LINGO2: variants seen among roughly 807,000 people sequenced by gnomAD.
The protein encoded by LINGO2 is leucine rich repeat and Ig domain containing 2, also known as leucine-rich repeat and immunoglobulin-like domain-containing nogo receptor-interacting protein 2.
Under a neutral mutation model 30.6 loss-of-function variants are expected in LINGO2, and 14 were observed. The ratio of observed to expected loss-of-function variants is 0.46; its 90% CI spans 0.30 to 0.72. LINGO2 has a LOEUF of 0.72. Ranked by LOEUF, LINGO2 falls within the 30% of genes least tolerant of loss-of-function variation. The probability of loss-of-function intolerance (pLI) is 0.07; values close to 1 mark genes in which losing one functional copy is unlikely to be tolerated. For missense variants in LINGO2, 729 were observed against 751.7 expected (o/e 0.97, Z 0.35); for synonymous variants, 317 against 288.5 (o/e 1.10, Z -1.00).
chr9:29,081,416 T>C, the LINGO2 span, among the ~76,000 whole-genome samples: 44 of 152,252 alleles, frequency 2.9e-4, no homozygotes, highest in African/African-American at 9.6e-4. Context: ...AAATTAGGTA[T>C]TGATGGGATG....
At chr9:29,212,347 C>T in the LINGO2 span, among the ~76,000 whole-genome samples, 1 of 151,878 alleles carries the variant, frequency 6.6e-6, no homozygotes, top group African/African-American at 2.4e-5. Flanking sequence ...CCGCGGCGCC[C>T]GCTGGGAGCC....
chr9:28,572,090 T>A (rs1563833930), intron 1 of LINGO2, among the ~76,000 whole-genome samples: 1 of 152,080 alleles, frequency 6.6e-6, no homozygotes, highest in Non-Finnish European at 1.5e-5. Flanking sequence ...TAAACTCTGT[T>A]CTTGGCATGT....
At chr9:28,086,425 T>C (rs574893672) in intron 4 of LINGO2, among the ~76,000 whole-genome samples, 43 of 152,220 alleles carry the variant, frequency 2.8e-4, no homozygotes, top group African/African-American at 9.4e-4. Context: ...TAACTAACTT[T>C]AAATGAAGTT....
intron 5 of LINGO2, among the ~76,000 whole-genome samples, chr9:27,963,782 G>A (rs1197966777): frequency 6.6e-6 from 1 of 151,106 alleles, no homozygotes; most frequent in Non-Finnish European, 1.5e-5. Flanking sequence ...GAATAATGGT[G>A]TCCAAAATAC....
At chr9:28,763,053 G>A in the LINGO2 span, among the ~76,000 whole-genome samples, 1 of 151,804 alleles carries the variant, frequency 6.6e-6, no homozygotes. Context: ...GAAAACAACC[G>A]AAGTCAAAAT....
At chr9:28,704,472 A>G in the LINGO2 span, among the ~76,000 whole-genome samples, 1 of 151,870 alleles carries the variant, frequency 6.6e-6, no homozygotes. Flanking sequence ...GGTGTCTGAC[A>G]TTAATTTGAG....
the LINGO2 span, among the ~76,000 whole-genome samples, chr9:28,744,110 T>A: frequency 3.6e-5 from 5 of 139,054 alleles, no homozygotes; most frequent in East Asian, 2.7e-4. Flanking sequence ...ATATATATAT[T>A]TTTTTTCTTT....
intron 2 of LINGO2, among the ~76,000 whole-genome samples, chr9:28,451,706 C>T (rs1431021050): frequency 6.6e-6 from 1 of 151,626 alleles, no homozygotes; most frequent in African/African-American, 2.4e-5. Flanking sequence ...TGCACCTTGG[C>T]TACATTTTGC....
intron 1 of LINGO2, among the ~76,000 whole-genome samples, chr9:28,540,913 T>C (rs1821664031): frequency 1.3e-5 from 2 of 152,198 alleles, no homozygotes; most frequent in Non-Finnish European, 1.5e-5. Flanking sequence ...TTAACTTTTG[T>C]TTCTTCTGTA....
At chr9:28,596,919 T>C (rs2135728989) in intron 1 of LINGO2, among the ~76,000 whole-genome samples, 1 of 152,228 alleles carries the variant, frequency 6.6e-6, no homozygotes, top group East Asian at 1.9e-4. Flanking sequence ...CAGGCTCCAG[T>C]GCGGGTCCCC....
At chr9:28,757,531 G>T in the LINGO2 span, among the ~76,000 whole-genome samples, 1 of 148,298 alleles carries the variant, frequency 6.7e-6, no homozygotes, top group Non-Finnish European at 1.5e-5. Flanking sequence ...AATGCAAAGT[G>T]GTAAAAACAC....
intron 1 of LINGO2, among the ~76,000 whole-genome samples, chr9:28,562,797 A>G (rs531856210): frequency 2.6e-5 from 4 of 152,186 alleles, no homozygotes; most frequent in Admixed American, 2.0e-4. Context: ...TACCACATTT[A>G]ATCATTACAA....
intron 2 of LINGO2, among the ~76,000 whole-genome samples, chr9:28,418,986 A>T (rs1420926340): frequency 6.6e-6 from 1 of 152,114 alleles, no homozygotes; most frequent in African/African-American, 2.4e-5. Flanking sequence ...TCAATTACTG[A>T]AGTCATTTTC....
chr9:28,487,165 G>T (rs3904394), intron 1 of LINGO2, among the ~76,000 whole-genome samples: 140,384 of 152,186 alleles, frequency 0.92, 64,786 homozygotes, highest in East Asian at 1. Flanking sequence ...GTCCCCATCG[G>T]GTAGGAAACT....
At chr9:28,210,765 A>G (rs1820561327) in intron 4 of LINGO2, among the ~76,000 whole-genome samples, 1 of 151,510 alleles carries the variant, frequency 6.6e-6, no homozygotes, top group South Asian at 2.1e-4. Flanking sequence ...AATCATTTCC[A>G]TGAGTATTTT....
intron 4 of LINGO2, among the ~76,000 whole-genome samples, chr9:28,032,677 G>A (rs1456573723): frequency 6.6e-6 from 1 of 152,144 alleles, no homozygotes; most frequent in Admixed American, 6.5e-5. Context: ...ACTAGTTGGC[G>A]ACAGACCAGG....
At chr9:29,183,020 C>A in the LINGO2 span, among the ~76,000 whole-genome samples, 1 of 151,792 alleles carries the variant, frequency 6.6e-6, no homozygotes, top group Non-Finnish European at 1.5e-5. Context: ...TGCATGTGGG[C>A]AAAAAACAAT....
chr9:28,366,206 A>G (rs1820668790), intron 3 of LINGO2, among the ~76,000 whole-genome samples: 1 of 152,186 alleles, frequency 6.6e-6, no homozygotes, highest in African/African-American at 2.4e-5. Context: ...AAGAAGAAGC[A>G]GGGCATAACA....
intron 2 of LINGO2, among the ~76,000 whole-genome samples, chr9:28,464,432 T>C (rs1403301076): frequency 2.0e-5 from 3 of 152,182 alleles, no homozygotes; most frequent in Non-Finnish European, 4.4e-5. Context: ...CTACTAATGG[T>C]TGTTTTCGTT....
Sources: allele counts gnomAD v4.1 joint callset (sites outside exome capture counted in the v4.1 genomes callset), GRCh38; gene constraint gnomAD v4.1.1; transcripts MANE v1.5; gene names NCBI Gene and HGNC (gene_info 2026-07-23, HGNC 2026-07-21).